Variants in CCDC122 observed in about 807,000 individuals in gnomAD.
CCDC122 encodes coiled-coil domain containing 122, also known as coiled-coil domain-containing protein 122.
In CCDC122, 38 loss-of-function variants were observed where a neutral mutation model predicts 37.0. That is an observed-to-expected ratio of 1.03 (90% CI 0.79 to 1.35). CCDC122 has a LOEUF of 1.35. Among genes scored for constraint, CCDC122 ranks in the 40% most tolerant of loss-of-function variants. The probability of loss-of-function intolerance (pLI) is 0.00; values close to 1 mark genes in which losing one functional copy is unlikely to be tolerated. For synonymous variants in CCDC122, 83 were observed against 95.6 expected (o/e 0.87, Z 0.77); for missense variants, 305 against 310.0 (o/e 0.98, Z 0.12).
At chr13:43,841,315 T>C (rs960324097) in intron 6 of CCDC122, among the ~76,000 whole-genome samples, 1 of 152,234 alleles carries the variant, frequency 6.6e-6, no homozygotes, top group Non-Finnish European at 1.5e-5. Flanking sequence ...ACTCTCAAAC[T>C]GTTTTTCCAA....
chr13:43,820,920 G>A (rs1487968430), downstream of CCDC122, among the ~76,000 whole-genome samples: 1 of 152,142 alleles, frequency 6.6e-6, no homozygotes, highest in Non-Finnish European at 1.5e-5. Context: ...AAACACACAT[G>A]CTATTGAGAA....
intron 6 of CCDC122, among the ~76,000 whole-genome samples, chr13:43,842,086 T>C (rs1235750708): frequency 6.7e-6 from 1 of 148,706 alleles, no homozygotes; most frequent in Non-Finnish European, 1.5e-5. Context: ...TTTTTCACTA[T>C]GGTTAGCAAA....
At chr13:43,841,385 T>A (rs979321848) in intron 6 of CCDC122, among the ~76,000 whole-genome samples, 4 of 152,224 alleles carry the variant, frequency 2.6e-5, no homozygotes, top group African/African-American at 7.2e-5. Flanking sequence ...TTGTTTCATG[T>A]CCTTAGCAAC....
At chr13:43,843,951 A>G (rs116371218) in intron 6 of CCDC122, among the ~76,000 whole-genome samples, 1,740 of 151,782 alleles carry the variant, frequency 0.011, 35 homozygotes, top group African/African-American at 0.039. Context: ...TCTTTTCTTG[A>G]TCAGTATTGC....
At chr13:43,865,538 CAACAA>C (rs1954250180) in intron 4 of CCDC122, among the ~76,000 whole-genome samples, 2 of 151,924 alleles carry the variant, frequency 1.3e-5, no homozygotes, top group Admixed American at 1.3e-4. Flanking sequence ...ATAACAATAA[CAACAA>C]AATAATTATA....
At chr13:43,840,941 T>A (rs1953330115) in intron 6 of CCDC122, among the ~76,000 whole-genome samples, 1 of 152,172 alleles carries the variant, frequency 6.6e-6, no homozygotes, top group Non-Finnish European at 1.5e-5. Context: ...TAGTTCTAGA[T>A]CCCTGAGGAA....
chr13:43,863,419 T>A (rs1954174822), intron 4 of CCDC122, among the ~76,000 whole-genome samples: 2 of 152,234 alleles, frequency 1.3e-5, no homozygotes, highest in African/African-American at 2.4e-5. Flanking sequence ...TTAGTTCATC[T>A]AACTGATGGG....
At chr13:43,831,699 G>T (rs1953091454), downstream of CCDC122, among the ~76,000 whole-genome samples, 1 of 152,186 alleles carries the variant, frequency 6.6e-6, no homozygotes, top group South Asian at 2.1e-4. Context: ...TTCCAATTTC[G>T]ACATGATTTT....
At chr13:43,844,512 G>A (rs977191445) in intron 6 of CCDC122, among the ~76,000 whole-genome samples, 1 of 151,942 alleles carries the variant, frequency 6.6e-6, no homozygotes, top group African/African-American at 2.4e-5. Context: ...AGGTTAAGTT[G>A]ATGGATAAGT....
intron 2 of CCDC122, among the ~76,000 whole-genome samples, chr13:43,871,897 G>A (rs995971592): frequency 1.3e-5 from 2 of 151,964 alleles, no homozygotes; most frequent in African/African-American, 4.8e-5. Flanking sequence ...GTTATCAGCT[G>A]TCTTACAGGT....
At chr13:43,825,549 C>G (rs557795982) in intron 3 of CCDC122, among the ~76,000 whole-genome samples, 13 of 152,278 alleles carry the variant, frequency 8.5e-5, no homozygotes, top group African/African-American at 2.6e-4. Flanking sequence ...TTGGGTGGAT[C>G]ACCTGAGATC....
At chr13:43,860,763 T>C (rs1305611556) in intron 4 of CCDC122, among the ~76,000 whole-genome samples, 2 of 152,170 alleles carry the variant, frequency 1.3e-5, no homozygotes, top group African/African-American at 4.8e-5. Context: ...CCTTGGGTAA[T>C]TTCACCCAAA....
At position 43,859,790 on chromosome 13, in the gene CCDC122, C is replaced by A. The variant is rs768368718; in HGVS notation, c.437G>T (p.Trp146Leu). Residue 146 changes from tryptophan (W) to leucine (L), a missense_variant, in exon 5 of 7, where the codon TGG becomes TTG. By Grantham distance (61) the Trp-to-Leu change is moderately conservative. Coordinates refer to ENST00000444614, the MANE Select transcript of CCDC122 (RefSeq NM_144974.5). ...TTCATGGAGTTCAGTCATAAATGAC[C>A]ATTTGCTCTCTACTTCCCCCAAACT... ...KNSLGEVESK[W>L]SFMTELHEKR... The A allele has an allele frequency of 1.9e-6, 3 of 1,608,552 alleles. No homozygotes were observed. The Admixed American group carries it at 5.1e-5, about 27-fold the overall frequency.
intron 2 of CCDC122, among the ~76,000 whole-genome samples, chr13:43,874,061 C>T (rs981211963): frequency 3.9e-5 from 6 of 152,138 alleles, no homozygotes; most frequent in African/African-American, 1.4e-4. Context: ...AGGTCTTTCT[C>T]GATCTTTCTG....
chr13:43,871,326 C>T (rs1163146489), intron 2 of CCDC122, among the ~76,000 whole-genome samples: 1 of 152,042 alleles, frequency 6.6e-6, no homozygotes, highest in African/African-American at 2.4e-5. Context: ...AATTTGCATG[C>T]CTGAAGAGGT....
intron 4 of CCDC122, 30 bp downstream of exon 4, chr13:43,868,664 G>T: frequency 1.8e-6 from 2 of 1,127,848 alleles, no homozygotes; most frequent in Non-Finnish European, 2.5e-6. Flanking sequence ...AGAAAGTAAA[G>T]ACATTTAAAA....
chr13:43,848,440 C>G (rs570293911), intron 6 of CCDC122, among the ~76,000 whole-genome samples: 1 of 151,398 alleles, frequency 6.6e-6, no homozygotes, highest in Admixed American at 6.6e-5. Flanking sequence ...TTACCTTGAA[C>G]TAGAAACCAC....
At chr13:43,824,273 A>G (rs1376829209) in intron 3 of CCDC122, among the ~76,000 whole-genome samples, 1 of 152,168 alleles carries the variant, frequency 6.6e-6, no homozygotes, top group Admixed American at 6.6e-5. Context: ...GTTTTCTTCA[A>G]CTTTCATAGG....
chr13:43,842,958 T>C (rs76162100), intron 6 of CCDC122, among the ~76,000 whole-genome samples: 1 of 152,096 alleles, frequency 6.6e-6, no homozygotes, highest in Non-Finnish European at 1.5e-5. Flanking sequence ...AATTATGCTA[T>C]CTGTGAATAA....
Sources: gnomAD v4.1 joint callset for allele counts (sites outside exome capture counted in the v4.1 genomes callset) on GRCh38, gnomAD v4.1.1 for gene constraint, MANE v1.5 for transcripts, NCBI Gene and HGNC (gene_info 2026-07-23, HGNC 2026-07-21) for gene names.